GRIN2A: variants seen among roughly 807,000 people sequenced by gnomAD.
The protein encoded by GRIN2A is glutamate ionotropic receptor NMDA type subunit 2A.
In GRIN2A, 22 loss-of-function variants were observed where a neutral mutation model predicts 113.4. That is an observed-to-expected ratio of 0.19 (90% confidence interval 0.14 to 0.28). GRIN2A has a LOEUF of 0.28. Among genes scored for constraint, GRIN2A ranks in the 10% least tolerant of loss-of-function variants. The probability of loss-of-function intolerance (pLI) is 1.00; values close to 1 mark genes in which losing one functional copy is unlikely to be tolerated. For synonymous variants in GRIN2A, 827 were observed against 738.4 expected, an observed-to-expected ratio of 1.12 and a Z score of -1.94; for missense variants, 1,502 against 1,887.0, an observed-to-expected ratio of 0.80 and a Z score of 3.78.
In GRIN2A at chr16:9,758,048, C is replaced by G. The variant is rs1050334047; in HGVS notation, c.*5101G>C. 3.3e-5 allele frequency: 7 copies of G among 213,132 alleles called. No homozygotes were observed. Among genetic ancestry groups the G allele is most frequent in the Non-Finnish European group, 5.7e-5 (6 of 105,322 alleles). 13.2% of individuals were successfully genotyped at this position (213,132 alleles called of 1,614,324 possible). ...TGGATCTAATCCTCGCTCTGATACT[C>G]TCTAACTTGATGATCTTAAACAGGC... On this transcript the variant is annotated 3_prime_UTR_variant, in exon 13 of 13. Transcript: ENST00000330684.
At chr16:9,986,782 A>AG (rs1276621939) in intron 2 of GRIN2A, among the ~76,000 whole-genome samples, 3 of 151,292 alleles carry the variant, frequency 2.0e-5, no homozygotes, top group Non-Finnish European at 3.0e-5. Flanking sequence ...AAAAAAAAAA[A>AG]AAGAAGAAAA....
At chr16:9,952,841 A>G (rs2045215520) in intron 2 of GRIN2A, among the ~76,000 whole-genome samples, 1 of 152,190 alleles carries the variant, frequency 6.6e-6, no homozygotes, top group Non-Finnish European at 1.5e-5. Context: ...AGAAAGTGAG[A>G]GAAAAAGGGA....
intron 11 of GRIN2A, among the ~76,000 whole-genome samples, chr16:9,773,439 C>T (rs761075713): frequency 3.4e-4 from 51 of 152,204 alleles, no homozygotes; most frequent in Non-Finnish European, 6.5e-4. Context: ...AAAAAGAGGC[C>T]GTGATCTTTG....
At chr16:10,062,302 A>T (rs564889463) in intron 2 of GRIN2A, among the ~76,000 whole-genome samples, 1 of 152,216 alleles carries the variant, frequency 6.6e-6, no homozygotes, top group African/African-American at 2.4e-5. Flanking sequence ...AAACAAAAAA[A>T]GTATGGCTGC....
chr16:9,766,790 T>C (rs1289346208), intron 12 of GRIN2A, among the ~76,000 whole-genome samples: 1 of 152,168 alleles, frequency 6.6e-6, no homozygotes, highest in Non-Finnish European at 1.5e-5. Flanking sequence ...ATTGCTCCCA[T>C]AAAACTTGGG....
At chr16:10,063,392 G>C (rs975901750) in intron 2 of GRIN2A, among the ~76,000 whole-genome samples, 1 of 152,162 alleles carries the variant, frequency 6.6e-6, no homozygotes, top group Admixed American at 6.5e-5. Context: ...AAATGGGTTA[G>C]AATCATAGCA....
Position 10,166,997 on chromosome 16 carries a change from T to C in GRIN2A, c.414+13001A>G, listed in dbSNP as rs371397498. On this transcript the variant is annotated intron_variant, in intron 2 of 12. Transcript: ENST00000330684. Reference sequence around the variant, plus strand: ...ATAGAAAATTTGTATTAATTGACTGTCTATGTTATTGGTAAGGCTTCTGAT... The same window carrying C: ...ATAGAAAATTTGTATTAATTGACTGCCTATGTTATTGGTAAGGCTTCTGAT... Among the ~76,000 whole-genome samples the C allele has an allele frequency of 3.3e-4, 51 of 152,354 alleles. No individual in the cohort carries two copies. In the East Asian group the frequency reaches 9.6e-3, roughly 29 times the overall value.
intron 11 of GRIN2A, among the ~76,000 whole-genome samples, chr16:9,779,672 T>C (rs1484106143): frequency 6.6e-6 from 1 of 152,180 alleles, no homozygotes; most frequent in African/African-American, 2.4e-5. Context: ...TGTTTTTCTT[T>C]CCATAGAGGG....
intron 2 of GRIN2A, among the ~76,000 whole-genome samples, chr16:10,058,293 AC>A (rs1344022749): frequency 7.9e-6 from 1 of 126,384 alleles, no homozygotes; most frequent in African/African-American, 2.9e-5. Flanking sequence ...AAACAAAAAA[AC>A]AAAAAACAAA....
chr16:9,927,204 G>T (rs946406849), intron 3 of GRIN2A, among the ~76,000 whole-genome samples: 1 of 152,192 alleles, frequency 6.6e-6, no homozygotes, highest in Non-Finnish European at 1.5e-5. Flanking sequence ...CCTCCTGTAA[G>T]AATCTATGGA....
At chr16:9,810,640 C>T (rs1457577151) in intron 10 of GRIN2A, among the ~76,000 whole-genome samples, 1 of 152,118 alleles carries the variant, frequency 6.6e-6, no homozygotes, top group Non-Finnish European at 1.5e-5. Flanking sequence ...CTGGAGGCAC[C>T]AGAAACTGGA....
In GRIN2A at chr16:10,051,522, A is replaced by C. The variant is rs1012497474; in HGVS notation, c.415-112971T>G. ...TGAGTGAATGAATGAGTAGTAACTCAAAGTAGTTTTTAAAGTGCTCCAAGT... is the reference window on the plus strand; with the variant it reads ...TGAGTGAATGAATGAGTAGTAACTCCAAGTAGTTTTTAAAGTGCTCCAAGT... On this transcript the variant is annotated intron_variant, in intron 2 of 12. Transcript: ENST00000330684. 2.6e-5 allele frequency among the ~76,000 whole-genome samples: 4 copies of C among 152,220 alleles called. No individual in the cohort carries two copies. In the East Asian group the frequency reaches 5.8e-4, roughly 22 times the overall value.
chr16:9,841,153 G>C (rs1212889967), intron 5 of GRIN2A, 49 bp from the exon 6 acceptor site: 1 of 1,460,856 alleles, frequency 6.8e-7, no homozygotes. Context: ...TGGAAGGTTT[G>C]TTCACAATCA....
At chr16:9,825,891 C>T (rs568790272) in intron 9 of GRIN2A, among the ~76,000 whole-genome samples, 1 of 151,898 alleles carries the variant, frequency 6.6e-6, no homozygotes, top group South Asian at 2.1e-4. Flanking sequence ...TCACAAAAGA[C>T]CAACTCAGTG....
At chr16:10,073,258 G>T (rs2047796380) in intron 2 of GRIN2A, among the ~76,000 whole-genome samples, 1 of 152,142 alleles carries the variant, frequency 6.6e-6, no homozygotes, top group Non-Finnish European at 1.5e-5. Flanking sequence ...GCCCAGTCAA[G>T]ATCCCGTAAT....
intron 2 of GRIN2A, among the ~76,000 whole-genome samples, chr16:10,046,594 G>T (rs2047263549): frequency 6.6e-6 from 1 of 151,508 alleles, no homozygotes. Context: ...CGTATAGGAT[G>T]GTTTAAAGAG....
intron 11 of GRIN2A, among the ~76,000 whole-genome samples, chr16:9,785,244 G>A (rs1902166575): frequency 6.6e-6 from 1 of 152,012 alleles, no homozygotes; most frequent in African/African-American, 2.4e-5. Context: ...ATACAACATG[G>A]AATACTATGC....
At chr16:9,890,854 C>G in intron 4 of GRIN2A, 132 bp downstream of exon 4, 1 of 690,288 alleles carries the variant, frequency 1.4e-6, no homozygotes, top group Non-Finnish European at 2.6e-6. Context: ...GCAAGAAAGA[C>G]GTGCTCTTGG....
At chr16:10,035,026 T>C (rs1360884034) in intron 2 of GRIN2A, among the ~76,000 whole-genome samples, 1 of 152,126 alleles carries the variant, frequency 6.6e-6, no homozygotes, top group Non-Finnish European at 1.5e-5. Flanking sequence ...TCATCTTCAC[T>C]TTCTTTTAAC....
Sources: allele counts gnomAD v4.1 joint callset (sites outside exome capture counted in the v4.1 genomes callset), GRCh38; gene constraint gnomAD v4.1.1; transcripts MANE v1.5; gene names NCBI Gene and HGNC (gene_info 2026-07-23, HGNC 2026-07-21).